Variants in ROBO2 observed in about 807,000 individuals in gnomAD.
ROBO2 encodes the protein roundabout homolog 2.
Under a neutral mutation model 160.8 loss-of-function variants are expected in ROBO2, and 53 were observed. The observed-to-expected ratio is 0.33, with a 90% CI of 0.26 to 0.41. The LOEUF is 0.41. ROBO2 is among the 10% of genes least tolerant of loss of function. ROBO2 has a pLI of 1.00. For missense variants in ROBO2, 1,577 were observed against 1,722.4 expected, an observed-to-expected ratio of 0.92 and a Z score of 1.49; for synonymous variants, 664 against 611.7, an observed-to-expected ratio of 1.09 and a Z score of -1.26.
At chr3:76,504,361 C>T (rs1032312476) in intron 2 of ROBO2, among the ~76,000 whole-genome samples, 3 of 152,078 alleles carry the variant, frequency 2.0e-5, no homozygotes, top group Admixed American at 6.5e-5. Flanking sequence ...CAGAAAGCAA[C>T]GGCCAGCGCC....
intron 2 of ROBO2, among the ~76,000 whole-genome samples, chr3:77,365,844 T>G (rs1013632170): frequency 2.4e-5 from 3 of 124,244 alleles, no homozygotes; most frequent in Non-Finnish European, 5.5e-5. Context: ...ATGGAAGCTC[T>G]AGGCAAAATA....
Position 77,017,774 on chromosome 3 carries a change from C to T in ROBO2, c.110-80240C>T, listed in dbSNP as rs182050260. 4.3e-3 allele frequency among the ~76,000 whole-genome samples: 649 copies of T among 151,880 alleles called. 2 individuals are homozygous for T. The highest frequency in any genetic ancestry group is 0.015 in the African/African-American group (620 of 41,406). On this transcript the variant is annotated intron_variant, in intron 2 of 26. Coordinates refer to the ROBO2 transcript ENST00000487694. ...TATTTTTTTTTTCTTGACCTGCACC[C>T]TAATTTGTAATGAAAAATACTTTGG...
At chr3:76,147,376 T>TAA (rs141961411) in intron 2 of ROBO2, among the ~76,000 whole-genome samples, 1 of 144,438 alleles carries the variant, frequency 6.9e-6, no homozygotes, top group Admixed American at 7.4e-5. Flanking sequence ...GGAATCAATA[T>TAA]TAATTATCTT....
intron 2 of ROBO2, among the ~76,000 whole-genome samples, chr3:76,225,803 T>C (rs1575981419): frequency 6.6e-6 from 1 of 152,188 alleles, no homozygotes. Flanking sequence ...TTCAGACTTA[T>C]TTTTAAAAGC....
intron 2 of ROBO2, among the ~76,000 whole-genome samples, chr3:76,665,985 TGTA>T: frequency 7.2e-6 from 1 of 138,744 alleles, no homozygotes; most frequent in Admixed American, 7.6e-5. Flanking sequence ...AATATATACA[TGTA>T]ATATATATAA....
intron 2 of ROBO2, among the ~76,000 whole-genome samples, chr3:76,153,216 T>A (rs1203145774): frequency 6.6e-6 from 1 of 152,154 alleles, no homozygotes. Context: ...AACATTTTTC[T>A]TTACAGTGTG....
intron 2 of ROBO2, among the ~76,000 whole-genome samples, chr3:76,834,062 TTTTCTTTCTTTCTTTCTTTC>T (rs71104628): frequency 1.1e-5 from 1 of 88,012 alleles, no homozygotes; most frequent in Admixed American, 1.3e-4. Context: ...CCTTTCTTTC[TTTTCTTTCTTTCTTTCTTTC>T]TTTCTTTCTT....
intron 19 of ROBO2, among the ~76,000 whole-genome samples, chr3:77,599,762 A>T (rs2153691024): frequency 6.6e-6 from 1 of 152,320 alleles, no homozygotes; most frequent in South Asian, 2.1e-4. Context: ...TATAGCATAA[A>T]TCCATATTTT....
At chr3:76,493,337 TTATATATATA>T (rs57835432) in intron 2 of ROBO2, among the ~76,000 whole-genome samples, 8 of 104,830 alleles carry the variant, frequency 7.6e-5, no homozygotes, top group South Asian at 3.0e-4. Context: ...AGACAAAAAA[TTATATATATA>T]TATATATATA....
At chr3:76,046,430 A>G (rs925415375) in intron 2 of ROBO2, among the ~76,000 whole-genome samples, 2 of 151,986 alleles carry the variant, frequency 1.3e-5, no homozygotes, top group Non-Finnish European at 2.9e-5. Flanking sequence ...CGGGTGGATC[A>G]CAAGGTCAGG....
At chr3:76,442,383 GT>G (rs964796087) in intron 2 of ROBO2, among the ~76,000 whole-genome samples, 4 of 152,134 alleles carry the variant, frequency 2.6e-5, no homozygotes, top group Admixed American at 6.6e-5. Flanking sequence ...GACGTTTCTA[GT>G]TTTTTTGTTT....
rs950575153 is a variant in ROBO2 at position 76,380,095 on chromosome 3, T to C, written c.109+442493T>C. ...ATGCCATATCTAGGTGGGCAATACA[T>C]TTTTGGTGGGTTTTTGGAATACAAT... is the stretch of plus-strand genomic sequence containing the variant. On this transcript the variant is annotated intron_variant, in intron 2 of 26. Transcript: ENST00000487694. Among the ~76,000 whole-genome samples, 5 of 152,240 alleles carry C rather than the reference T, an allele frequency of 3.3e-5. No homozygotes were observed. In the East Asian group the frequency reaches 9.7e-4, roughly 29 times the overall value.
intron 2 of ROBO2, among the ~76,000 whole-genome samples, chr3:75,974,981 C>T (rs985759788): frequency 6.6e-6 from 1 of 151,188 alleles, no homozygotes; most frequent in African/African-American, 2.4e-5. Flanking sequence ...TTAACCTGTC[C>T]TCAAAATATA....
At chr3:76,844,151 C>A (rs2068562087) in intron 2 of ROBO2, among the ~76,000 whole-genome samples, 1 of 151,950 alleles carries the variant, frequency 6.6e-6, no homozygotes, top group Admixed American at 6.6e-5. Flanking sequence ...GAATAAATAG[C>A]ATATTTATTT....
At position 76,340,074 on chromosome 3, in the gene ROBO2, T is replaced by C. The variant is rs2074126580; in HGVS notation, c.109+402472T>C. On this transcript the variant is annotated intron_variant, in intron 2 of 26. Coordinates refer to the ROBO2 transcript ENST00000487694. ...TACTAGCTACAAATCCTAACAAAAA[T>C]GAACCAATTGCAAAAAAAAAAAACT... Among the ~76,000 whole-genome samples the C allele has an allele frequency of 6.9e-5, 7 of 101,308 alleles. No individual in the cohort carries two copies. In the South Asian group the frequency reaches 3.3e-3, roughly 47 times the overall value. 66.5% of individuals were successfully genotyped at this position (101,308 alleles called of 152,430 possible).
chr3:77,608,521 G>C (rs186247357), intron 21 of ROBO2, among the ~76,000 whole-genome samples: 1 of 152,218 alleles, frequency 6.6e-6, no homozygotes, highest in Admixed American at 6.5e-5. Flanking sequence ...AATTTTCTTC[G>C]AGGGTCTTTA....
At chr3:76,059,352 T>A (rs1303578714) in intron 2 of ROBO2, among the ~76,000 whole-genome samples, 1 of 152,144 alleles carries the variant, frequency 6.6e-6, no homozygotes, top group Non-Finnish European at 1.5e-5. Flanking sequence ...CTAACTGGTG[T>A]GAGATGGTAT....
chr3:76,669,677 C>T (rs1302172700), intron 2 of ROBO2, among the ~76,000 whole-genome samples: 2 of 152,152 alleles, frequency 1.3e-5, no homozygotes, highest in East Asian at 3.8e-4. Context: ...GGGACGGGGA[C>T]CATAGTTCTC....
chr3:77,282,108 G>GA (rs980474999), intron 2 of ROBO2, among the ~76,000 whole-genome samples: 1 of 151,828 alleles, frequency 6.6e-6, no homozygotes, highest in African/African-American at 2.4e-5. Context: ...TCATGACAAG[G>GA]AAAAAATGTC....
Sources: allele counts gnomAD v4.1 joint callset (sites outside exome capture counted in the v4.1 genomes callset), GRCh38; gene constraint gnomAD v4.1.1; transcripts MANE v1.5; gene names NCBI Gene and HGNC (gene_info 2026-07-23, HGNC 2026-07-21).